Variants in LHFPL6 observed in about 807,000 individuals in gnomAD.
The protein encoded by LHFPL6 is LHFPL tetraspan subfamily member 6 protein.
LHFPL6 carries 9 observed loss-of-function variants against 20.6 expected under a neutral mutation model. That is an observed-to-expected ratio of 0.44 (90% confidence interval 0.26 to 0.76). The LOEUF (loss-of-function observed/expected upper bound fraction) is 0.76, where lower values mean the gene tolerates loss of function less well. Among genes scored for constraint, LHFPL6 ranks in the 30% least tolerant of loss-of-function variants. LHFPL6 has a pLI of 0.20. For missense variants in LHFPL6, 218 were observed against 253.5 expected, an observed-to-expected ratio of 0.86 and a Z score of 0.95; for synonymous variants, 105 against 98.7, an observed-to-expected ratio of 1.06 and a Z score of -0.38.
chr13:39,349,357 G>T (rs1285402932), intron 3 of LHFPL6, among the ~76,000 whole-genome samples: 1 of 152,172 alleles, frequency 6.6e-6, no homozygotes, highest in Non-Finnish European at 1.5e-5. Flanking sequence ...AGTCTAGTTA[G>T]AGTAAGGTGT....
chr13:39,495,457 T>C (rs180762983), intron 2 of LHFPL6, among the ~76,000 whole-genome samples: 17 of 152,282 alleles, frequency 1.1e-4, no homozygotes, highest in African/African-American at 2.2e-4. Context: ...AAATCATTCA[T>C]TGAGTGATCA....
At chr13:39,469,807 C>T (rs1216170772) in intron 2 of LHFPL6, among the ~76,000 whole-genome samples, 2 of 152,062 alleles carry the variant, frequency 1.3e-5, no homozygotes, top group Admixed American at 6.6e-5. Flanking sequence ...GTACAAGGCA[C>T]TAGGGAAACA....
At position 39,470,519 on chromosome 13, in the gene LHFPL6, C is replaced by T. The variant is rs538866485; in HGVS notation, c.386-91993G>A. On this transcript the variant is annotated intron_variant, in intron 2 of 3. Coordinates refer to ENST00000379589, the MANE Select transcript of LHFPL6 (RefSeq NM_005780.3). ...AAAATTTAAGAAGTCAAGATGATTT[C>T]TTTTATATGACTTAAATTATTTTAT... 1.2e-4 allele frequency among the ~76,000 whole-genome samples: 18 copies of T among 152,128 alleles called. 1 individual carries two copies. The South Asian group carries it at 3.3e-3, about 28-fold the overall frequency.
At chr13:39,593,032 ACTGGAAGC>A (rs1872659533) in intron 2 of LHFPL6, among the ~76,000 whole-genome samples, 1 of 152,174 alleles carries the variant, frequency 6.6e-6, no homozygotes, top group South Asian at 2.1e-4. Context: ...ATGGGCAAAA[ACTGGAAGC>A]ATTCCCTTTG....
At chr13:39,436,172 C>T (rs1190407953) in intron 2 of LHFPL6, among the ~76,000 whole-genome samples, 1 of 151,910 alleles carries the variant, frequency 6.6e-6, no homozygotes, top group African/African-American at 2.4e-5. Context: ...CATTTGAAAA[C>T]CAGTAATATA....
intron 2 of LHFPL6, among the ~76,000 whole-genome samples, chr13:39,494,006 T>C (rs1046483491): frequency 6.6e-6 from 1 of 152,222 alleles, no homozygotes; most frequent in East Asian, 1.9e-4. Context: ...CCTCAGACCA[T>C]AGTCAAAGAA....
chr13:39,535,044 C>T (rs566312282), intron 2 of LHFPL6, among the ~76,000 whole-genome samples: 60 of 152,280 alleles, frequency 3.9e-4, no homozygotes, highest in African/African-American at 1.4e-3. Flanking sequence ...CTTCTCACAC[C>T]CCCGGGCCTT....
intron 2 of LHFPL6, among the ~76,000 whole-genome samples, chr13:39,492,866 G>T (rs1366320273): frequency 7.2e-5 from 11 of 151,958 alleles, no homozygotes; most frequent in African/African-American, 2.7e-4. Flanking sequence ...TTTTAGTAGA[G>T]ATGGAGTTTC....
At position 39,417,025 on chromosome 13, in the gene LHFPL6, T is replaced by C. The variant is rs1871367037; in HGVS notation, c.386-38499A>G. 2.0e-5 allele frequency among the ~76,000 whole-genome samples: 3 copies of C among 152,356 alleles called. No homozygotes were observed. The Middle Eastern group carries it at 0.01, about 518-fold the overall frequency. ...CTAGCCTGCCGATACATTTAGGTTA[T>C]TCCAAGTTTAGAAGAGCCCGAAGGT... On this transcript the variant is annotated intron_variant, in intron 2 of 3. Transcript: ENST00000379589.
chr13:39,514,420 C>T (rs1168783824), intron 2 of LHFPL6, among the ~76,000 whole-genome samples: 2 of 152,178 alleles, frequency 1.3e-5, no homozygotes, highest in African/African-American at 4.8e-5. Flanking sequence ...TCACTGTTTA[C>T]ACCAATAAAG....
chr13:39,499,637 T>C (rs954403999), intron 2 of LHFPL6, among the ~76,000 whole-genome samples: 1 of 152,220 alleles, frequency 6.6e-6, no homozygotes, highest in Admixed American at 6.5e-5. Flanking sequence ...GGACACTACC[T>C]GGGTTTCTGA....
At chr13:39,382,145 C>A (rs1027067188) in intron 2 of LHFPL6, among the ~76,000 whole-genome samples, 2 of 152,156 alleles carry the variant, frequency 1.3e-5, no homozygotes, top group African/African-American at 2.4e-5. Flanking sequence ...TTAACAAGAA[C>A]AAGATATACA....
intron 2 of LHFPL6, among the ~76,000 whole-genome samples, chr13:39,561,858 C>A (rs912624825): frequency 6.6e-6 from 1 of 152,144 alleles, no homozygotes; most frequent in Non-Finnish European, 1.5e-5. Context: ...TGGGCTTTCA[C>A]TTGATTCTCA....
At chr13:39,504,892 T>A (rs1462667590) in intron 2 of LHFPL6, among the ~76,000 whole-genome samples, 1 of 152,156 alleles carries the variant, frequency 6.6e-6, no homozygotes, top group Non-Finnish European at 1.5e-5. Context: ...ATAATGTCAT[T>A]TTCAATGTAC....
chr13:39,485,926 C>G (rs1463184571), intron 2 of LHFPL6, among the ~76,000 whole-genome samples: 2 of 152,122 alleles, frequency 1.3e-5, no homozygotes, highest in African/African-American at 4.8e-5. Flanking sequence ...CTATCCAAAG[C>G]ACCTTGCAAA....
In LHFPL6 at chr13:39,530,266, T is replaced by TA. The variant is rs557092704; in HGVS notation, c.385+70565dup. 8.2e-4 allele frequency among the ~76,000 whole-genome samples: 115 copies of TA among 139,830 alleles called. No homozygotes were observed. In the Middle Eastern group the frequency reaches 0.011, roughly 13 times the overall value. 91.7% of individuals were successfully genotyped at this position (139,830 alleles called of 152,430 possible). ...TTGTTTCAAAAAAAAAAAAAAGTATTAAAAAAAAAAAGAAAAGAGTAGCAT... is the reference window on the plus strand; with the variant it reads ...TTGTTTCAAAAAAAAAAAAAAGTATTAAAAAAAAAAAAGAAAAGAGTAGCAT... On this transcript the variant is annotated intron_variant, in intron 2 of 3. Transcript: ENST00000379589.
intron 2 of LHFPL6, among the ~76,000 whole-genome samples, chr13:39,393,702 G>A (rs568223866): frequency 2.7e-4 from 41 of 152,294 alleles, no homozygotes; most frequent in African/African-American, 9.4e-4. Context: ...TGCTAAGACT[G>A]CAATCACAAA....
At chr13:39,431,739 A>G (rs1924313) in intron 2 of LHFPL6, among the ~76,000 whole-genome samples, 35,854 of 142,388 alleles carry the variant, frequency 0.25, 5,133 homozygotes, top group East Asian at 0.5. Context: ...GCTTCCTCTC[A>G]TATTCCACAT....
At chr13:39,382,445 C>T (rs1325305811) in intron 2 of LHFPL6, among the ~76,000 whole-genome samples, 2 of 152,066 alleles carry the variant, frequency 1.3e-5, no homozygotes, top group African/African-American at 2.4e-5. Flanking sequence ...TGCTGTTTCC[C>T]AGGCTGGAGT....
Sources: gnomAD v4.1 joint callset for allele counts (sites outside exome capture counted in the v4.1 genomes callset) on GRCh38, gnomAD v4.1.1 for gene constraint, MANE v1.5 for transcripts, NCBI Gene and HGNC (gene_info 2026-07-23, HGNC 2026-07-21) for gene names.